The following STK31 variants were observed in gnomAD, a reference collection of about 807,000 sequenced individuals.
The protein encoded by STK31 is serine/threonine kinase 31.
In STK31, 89 loss-of-function variants were observed where a neutral mutation model predicts 129.7. That is an observed-to-expected ratio of 0.69 (90% CI 0.58 to 0.82). The LOEUF is 0.82. Ranked by LOEUF, STK31 falls within the 40% of genes least tolerant of loss-of-function variation. The pLI, the probability that STK31 is intolerant of heterozygous loss-of-function variation, is 0.00. For missense variants in STK31, 1,187 were observed against 1,176.4 expected, an observed-to-expected ratio of 1.01 and a Z score of -0.13; for synonymous variants, 448 against 395.3, an observed-to-expected ratio of 1.13 and a Z score of -1.58.
Position 23,712,183 on chromosome 7 carries a change from A to G in STK31, c.97+38A>G, listed in dbSNP as rs370530163. ...AAAATTATTTTGGGGTGTAAGAGCT[A>G]GATGATACTGATTAATTTCTAATTT... On this transcript the variant is annotated intron_variant, in intron 2 of 23. Transcript: ENST00000355870. 301 of 1,613,784 alleles carry G rather than the reference A, an allele frequency of 1.9e-4. No homozygotes were observed. In the African/African-American group the frequency reaches 3.6e-3, roughly 20 times the overall value.
chr7:23,756,388 G>C (rs556766591), intron 10 of STK31, among the ~76,000 whole-genome samples: 2 of 152,122 alleles, frequency 1.3e-5, no homozygotes, highest in Non-Finnish European at 2.9e-5. Flanking sequence ...AGTTCAAGAC[G>C]TTTTTGGGGT....
intron 15 of STK31, 86 bp downstream of exon 15, chr7:23,772,364 C>T: frequency 7.4e-7 from 1 of 1,349,940 alleles, no homozygotes. Flanking sequence ...CATAAATACA[C>T]TCTTTACAAT....
intron 8 of STK31, among the ~76,000 whole-genome samples, chr7:23,746,164 T>TG (rs1378473636): frequency 1.3e-5 from 2 of 152,012 alleles, no homozygotes; most frequent in African/African-American, 4.8e-5. Flanking sequence ...TGCTTAGGAT[T>TG]GGGGGGTGGG....
At chr7:23,765,059 AT>A (rs1789726987) in intron 11 of STK31, among the ~76,000 whole-genome samples, 2 of 150,824 alleles carry the variant, frequency 1.3e-5, no homozygotes, top group Admixed American at 1.3e-4. Flanking sequence ...TATTTTATTT[AT>A]TTTTATTTTT....
intron 22 of STK31, among the ~76,000 whole-genome samples, chr7:23,798,016 C>G (rs1792086240): frequency 6.6e-6 from 1 of 152,108 alleles, no homozygotes; most frequent in South Asian, 2.1e-4. Flanking sequence ...TGGAAAAATT[C>G]CTGGACACAT....
intron 6 of STK31, among the ~76,000 whole-genome samples, chr7:23,730,878 A>ATATATATATATATTT: frequency 4.0e-4 from 24 of 59,538 alleles, no homozygotes; most frequent in South Asian, 3.3e-3. Context: ...ATATATATAT[A>ATATATATATATATTT]TTTTTTTTTT....
In STK31 at chr7:23,810,321, T is replaced by A. The variant is rs1216592981; in HGVS notation, c.2761-4823T>A. 2.6e-5 allele frequency among the ~76,000 whole-genome samples: 4 copies of A among 151,950 alleles called. No individual in the cohort carries two copies. The East Asian group carries it at 5.8e-4, about 22-fold the overall frequency. ...GAGTAAGTTTCTTGTAAATAACATA[T>A]AGTTGCATTGTTTTTTATTTACTCT... On this transcript the variant is annotated intron_variant, in intron 22 of 23. Transcript: ENST00000355870.
chr7:23,764,971 T>C (rs955189702), intron 11 of STK31, among the ~76,000 whole-genome samples: 3 of 118,510 alleles, frequency 2.5e-5, no homozygotes, highest in Admixed American at 8.5e-5. Flanking sequence ...AATAAAAATT[T>C]TTTTGTTTGC....
At chr7:23,820,158 TATTGGAGGC>T (rs1317985925) in intron 23 of STK31, among the ~76,000 whole-genome samples, 2 of 152,216 alleles carry the variant, frequency 1.3e-5, no homozygotes, top group Non-Finnish European at 2.9e-5. Flanking sequence ...ATTGTTTCAG[TATTGGAGGC>T]ATTCCATTTC....
chr7:23,762,442 G>C (rs1316754257), intron 10 of STK31, among the ~76,000 whole-genome samples: 2 of 152,064 alleles, frequency 1.3e-5, no homozygotes, highest in African/African-American at 4.8e-5. Context: ...TGGTGTTTAA[G>C]TGTATCTTGA....
At chr7:23,811,349 T>G in intron 22 of STK31, 1 of 398,568 alleles carries the variant, frequency 2.5e-6, no homozygotes, top group East Asian at 7.2e-5. Flanking sequence ...TCTTCATTCT[T>G]CAAGTTTGCC....
At chr7:23,817,995 C>A in intron 23 of STK31, among the ~76,000 whole-genome samples, 1 of 151,602 alleles carries the variant, frequency 6.6e-6, no homozygotes, top group Non-Finnish European at 1.5e-5. Context: ...TTATTTCTAT[C>A]CTTCTGCTTG....
chr7:23,748,150 A>AT (rs796977014), intron 8 of STK31, among the ~76,000 whole-genome samples: 102 of 152,244 alleles, frequency 6.7e-4, no homozygotes, highest in African/African-American at 2.3e-3. Context: ...GGTAAGTTGT[A>AT]TTTTTATCTT....
intron 8 of STK31, among the ~76,000 whole-genome samples, chr7:23,744,069 G>A (rs1788209126): frequency 6.6e-6 from 1 of 151,802 alleles, no homozygotes; most frequent in Non-Finnish European, 1.5e-5. Flanking sequence ...ACAGGTGCAT[G>A]CCACCATGCT....
At chr7:23,737,134 C>G (rs1444797894) in intron 8 of STK31, 56 bp downstream of exon 8, 41 of 1,379,716 alleles carry the variant, frequency 3.0e-5, no homozygotes, top group Non-Finnish European at 3.8e-5. Flanking sequence ...GTGTACTCAT[C>G]TGCTGCTATT....
At chr7:23,710,971 C>T (rs1785918524) in intron 1 of STK31, among the ~76,000 whole-genome samples, 1 of 152,084 alleles carries the variant, frequency 6.6e-6, no homozygotes. Flanking sequence ...TAGAAAAGAA[C>T]CCTTGCTTTG....
intron 22 of STK31, among the ~76,000 whole-genome samples, chr7:23,808,608 C>G (rs1290275427): frequency 6.6e-6 from 1 of 152,056 alleles, no homozygotes; most frequent in Non-Finnish European, 1.5e-5. Context: ...CTGACAGTAT[C>G]CCAGACTGTA....
intron 23 of STK31, among the ~76,000 whole-genome samples, chr7:23,822,196 A>G (rs1793824187): frequency 6.6e-6 from 1 of 152,024 alleles, no homozygotes; most frequent in South Asian, 2.1e-4. Flanking sequence ...TTTGATAGGG[A>G]TTGCTTTGAA....
chr7:23,762,210 A>T (rs551398335), intron 10 of STK31, among the ~76,000 whole-genome samples: 1 of 151,256 alleles, frequency 6.6e-6, no homozygotes, highest in African/African-American at 2.4e-5. Flanking sequence ...AGCATTAGGT[A>T]TATCTCCTAA....
Sources: gnomAD v4.1 joint callset for allele counts (sites outside exome capture counted in the v4.1 genomes callset) on GRCh38, gnomAD v4.1.1 for gene constraint, MANE v1.5 for transcripts, NCBI Gene and HGNC (gene_info 2026-07-23, HGNC 2026-07-21) for gene names.